The following ARSI variants were observed in gnomAD, a reference collection of about 807,000 sequenced individuals.
ARSI encodes the protein arylsulfatase family member I.
Under a neutral mutation model 42.1 loss-of-function variants are expected in ARSI, and 37 were observed. The ratio of observed to expected loss-of-function variants is 0.88; its 90% CI spans 0.68 to 1.16. The LOEUF is 1.16. ARSI is among the 50% of genes most tolerant of loss of function. The pLI is 0.00. For synonymous variants in ARSI, 305 were observed against 320.3 expected (o/e 0.95, Z 0.51); for missense variants, 725 against 790.1 (o/e 0.92, Z 0.99).
Position 150,297,675 on chromosome 5 carries a change from C to A in ARSI, c.1249G>T (p.Ala417Ser). The change falls in exon 2 of 2, where the codon GCT becomes TCT. Residue 417 changes from alanine (A) to serine (S), a missense_variant. Physicochemically the swap from Ala to Ser is moderately conservative, Grantham distance 99. Coordinates refer to ENST00000328668, the MANE Select transcript of ARSI (RefSeq NM_001012301.4). The surrounding 1 kb of genome is among the most constrained non-coding windows in gnomAD (Gnocchi z 7.0). The part of the protein sequence containing the change: ...GFGIWNTAVQ[A>S]AIRVGEWKLL... The stretch of plus-strand genomic sequence containing the variant: ...TTCCACTCACCCACGCGGATGGCAG[C>A]CTGCACGGCGGTGTTCCAGATGCCA... The A allele has an allele frequency of 1.2e-6, 2 of 1,613,456 alleles. No individual in the cohort carries two copies. The highest frequency in any genetic ancestry group is 2.2e-5 in the East Asian group (1 of 44,884).
rs774718915 is a variant in ARSI, at chr5:150,297,811, G to A, written c.1113C>T (p.Tyr371=). Residue 371 remains tyrosine (Y), a synonymous_variant, in exon 2 of 2, where the codon TAC becomes TAT. Coordinates refer to ENST00000328668, the MANE Select transcript of ARSI (RefSeq NM_001012301.4). This position sits in a 1 kb window ranked among gnomAD's most constrained non-coding sequence, Gnocchi z 7.0. ...TTSAADGLDG[Y]DVWPAISEGR... ...CCTCGCTGATGGCCGGCCACACGTC[G>A]TAGCCATCTAGCCCATCGGCTGCTG... 25 of 1,606,546 alleles carry A rather than the reference G, an allele frequency of 1.6e-5. No homozygotes were observed. The highest frequency in any genetic ancestry group is 1.5e-4 in the Admixed American group (9 of 59,608).
Position 150,302,344 on chromosome 5 carries a change from G to A in ARSI, c.30C>T (p.Val10=), listed in dbSNP as rs756729493. 3.9e-5 allele frequency: 61 copies of A among 1,549,764 alleles called. No individual in the cohort carries two copies. In the African/African-American group the frequency reaches 6.3e-4, roughly 16 times the overall value. The change falls in exon 1 of 2, where the codon GTC becomes GTT. Residue 10 remains valine (V), a synonymous_variant. Coordinates refer to ENST00000328668, the MANE Select transcript of ARSI (RefSeq NM_001012301.4). This position sits in a 1 kb window ranked among gnomAD's most constrained non-coding sequence, Gnocchi z 6.1. ...ACAGGTAGCCGAAGCTGAGCAGGCTGACCAGGGAGAAGCCAGTGAGGGTGT... is the reference window on the plus strand; with the variant it reads ...ACAGGTAGCCGAAGCTGAGCAGGCTAACCAGGGAGAAGCCAGTGAGGGTGT... MHTLTGFSL[V]SLLSFGYLSW... is the part of the protein sequence containing the mutation.
At chr5:150,299,851 C>G (rs1757890868) in intron 1 of ARSI, among the ~76,000 whole-genome samples, 1 of 152,134 alleles carries the variant, frequency 6.6e-6, no homozygotes, top group Non-Finnish European at 1.5e-5. Flanking sequence ...ACCCCTTGAT[C>G]CAGGCTATCA....
Position 150,302,357 on chromosome 5 carries a change from C to T in ARSI, c.17G>A (p.Gly6Asp), listed in dbSNP as rs1328624287. ...GCTGAGCAGGCTGACCAGGGAGAAGCCAGTGAGGGTGTGCATCGCCAAGCC... is the reference window on the plus strand; with the variant it reads ...GCTGAGCAGGCTGACCAGGGAGAAGTCAGTGAGGGTGTGCATCGCCAAGCC... MHTLT[G>D]FSLVSLLSFG... Residue 6 changes from glycine (G) to aspartate (D), a missense_variant, in exon 1 of 2, where the codon GGC (glycine) becomes GAC (aspartate). Gly to Asp is a moderately conservative substitution (Grantham distance 94). Coordinates refer to ENST00000328668, the MANE Select transcript of ARSI (RefSeq NM_001012301.4). The surrounding 1 kb of genome is among the most constrained non-coding windows in gnomAD (Gnocchi z 6.1). 6.6e-7 allele frequency: 1 copy of T among 1,515,848 alleles called. No homozygotes were observed. Among genetic ancestry groups the T allele is most frequent in the South Asian group, 1.3e-5 (1 of 77,750 alleles). 93.9% of individuals were successfully genotyped at this position (1,515,848 alleles called of 1,614,324 possible). A position where few individuals can be genotyped will look rare whatever the true frequency, so the allele number is the denominator to read the frequency against.
At position 150,302,374 on chromosome 5, in the gene ARSI, C is replaced by G; in HGVS notation, c.-1G>C. The G allele has an allele frequency of 6.9e-7, 1 of 1,441,858 alleles. No homozygotes were observed. The highest frequency in any genetic ancestry group is 1.5e-5 in the African/African-American group (1 of 67,408). The allele number at this position is 1,441,858 out of a possible 1,614,324, so 89.3% of individuals were successfully genotyped here. A position where few individuals can be genotyped will look rare whatever the true frequency, so the allele number is the denominator to read the frequency against. On this transcript the variant is annotated 5_prime_UTR_variant, in exon 1 of 2. Transcript: ENST00000328668. This position sits in a 1 kb window ranked among gnomAD's most constrained non-coding sequence, Gnocchi z 6.1. ...GGGAGAAGCCAGTGAGGGTGTGCATCGCCAAGCCGGCCCGCGCGTCCCGGC... is the reference window on the plus strand; with the variant it reads ...GGGAGAAGCCAGTGAGGGTGTGCATGGCCAAGCCGGCCCGCGCGTCCCGGC...
At position 150,297,363 on chromosome 5, in the gene ARSI, C is replaced by G. The variant is rs1257999051; in HGVS notation, c.1561G>C (p.Gly521Arg). The change falls in exon 2 of 2, where the codon GGG (glycine) becomes CGG (arginine). Residue 521 changes from glycine to arginine, a missense_variant. Gly to Arg is a moderately radical substitution (Grantham distance 125, BLOSUM62 -2). Transcript: ENST00000328668. The surrounding 1 kb of genome is among the most constrained non-coding windows in gnomAD (Gnocchi z 7.0). ...AHPDFNGGAW[G>R]PWASDEEEEE... ...TCTTCCTCATCACTGGCCCAGGGCC[C>G]CCAAGCACCCCCATTAAAGTCAGGA... 3.7e-6 allele frequency: 6 copies of G among 1,612,262 alleles called. No individual in the cohort carries two copies. Among genetic ancestry groups the G allele is most frequent in the Non-Finnish European group, 5.1e-6 (6 of 1,179,240 alleles).
Position 150,302,143 on chromosome 5 carries a change from C to A in ARSI, c.231G>T (p.Leu77=), listed in dbSNP as rs143586885. Residue 77 remains leucine, a synonymous_variant, in exon 1 of 2, where the codon CTG becomes CTT. Coordinates refer to ENST00000328668, the MANE Select transcript of ARSI (RefSeq NM_001012301.4). The surrounding 1 kb of genome is among the most constrained non-coding windows in gnomAD (Gnocchi z 6.1). ...TCTCCAACTTGACCCCCTTGGCCGCCAGCCTGTCCAGCGTAGGGGTCTCGA... is the reference window on the plus strand; with the variant it reads ...TCTCCAACTTGACCCCCTTGGCCGCAAGCCTGTCCAGCGTAGGGGTCTCGA... ...SDIETPTLDR[L]AAKGVKLENY... is the part of the protein sequence containing the mutation. The A allele has an allele frequency of 3.9e-4, 625 of 1,613,618 alleles. No homozygotes were observed. Among genetic ancestry groups the A allele is most frequent in the Non-Finnish European group, 5.1e-4 (596 of 1,179,910 alleles).
At chr5:150,301,457 A>G (rs565201954) in intron 1 of ARSI, among the ~76,000 whole-genome samples, 121 of 152,310 alleles carry the variant, frequency 7.9e-4, no homozygotes, top group African/African-American at 2.7e-3. Context: ...ACAGAGGCTC[A>G]GAGAAATGAA....
rs920981145 is a variant in ARSI at position 150,296,527 on chromosome 5, T to A, written c.*687A>T. 1.3e-5 allele frequency: 2 copies of A among 152,262 alleles called. No homozygotes were observed. The highest frequency in any genetic ancestry group is 4.8e-5 in the African/African-American group (2 of 41,440). The allele number at this position is 152,262 out of a possible 1,614,324, so 9.4% of individuals were successfully genotyped here. ...GAACCCAGGTGTCCTGGTACTGGTT[T>A]GGGGGCTCTTCACAGCTCTTTCTAC... On this transcript the variant is annotated 3_prime_UTR_variant, in exon 2 of 2. Coordinates refer to ENST00000328668, the MANE Select transcript of ARSI (RefSeq NM_001012301.4).
Position 150,298,378 on chromosome 5 carries a change from G to T in ARSI, c.546C>A (p.Asn182Lys). ...AGCCGCACACGCCTGGGCCATCACA[G>T]TTGTCATAGGTGTAATAGTCCACAT... is the stretch of plus-strand genomic sequence containing the variant. ...TGNVDYYTYDNCDGPGVCGFD... is the reference protein window; with the variant it reads ...TGNVDYYTYDKCDGPGVCGFD... The change falls in exon 2 of 2, where the codon AAC becomes AAA. Residue 182 changes from asparagine (N) to lysine (K), a missense_variant. Coordinates refer to ENST00000328668, the MANE Select transcript of ARSI (RefSeq NM_001012301.4). 1 of 1,614,218 alleles carries T rather than the reference G, an allele frequency of 6.2e-7. No homozygotes were observed. Among genetic ancestry groups the T allele is most frequent in the Non-Finnish European group, 8.5e-7 (1 of 1,180,050 alleles).
At chr5:150,300,559 C>A (rs573459584) in intron 1 of ARSI, among the ~76,000 whole-genome samples, 1 of 152,326 alleles carries the variant, frequency 6.6e-6, no homozygotes, top group African/African-American at 2.4e-5. Context: ...TAAGAGTCAC[C>A]AAAGCCCACC....
rs112583032 is a variant in ARSI, at chr5:150,297,541, G to T, written c.1383C>A (p.Ala461=). 1 of 1,613,150 alleles carries T rather than the reference G, an allele frequency of 6.2e-7. No individual in the cohort carries two copies. Among genetic ancestry groups the T allele is most frequent in the African/African-American group, 1.3e-5 (1 of 75,050 alleles). Residue 461 remains alanine (A), a synonymous_variant, in exon 2 of 2, where the codon GCC becomes GCA. Coordinates refer to ENST00000328668, the MANE Select transcript of ARSI (RefSeq NM_001012301.4). The surrounding 1 kb of genome is among the most constrained non-coding windows in gnomAD (Gnocchi z 7.0). ...CAGCACTGATGTTGAAGAGCCACAC[G>T]GCCTGGCGGACACTGGCCATTCGTT... ...NLERMASVRQ[A]VWLFNISADP...
chr5:150,299,748 T>C (rs1562226257), intron 1 of ARSI, among the ~76,000 whole-genome samples: 1 of 152,096 alleles, frequency 6.6e-6, no homozygotes. Flanking sequence ...TGCTCCCGTA[T>C]AGGAGTTGGT....
rs1177501339 is a variant in ARSI at position 150,298,656 on chromosome 5, C to T, written c.312-44G>A. 5 of 1,546,192 alleles carry T rather than the reference C, an allele frequency of 3.2e-6. No individual in the cohort carries two copies. In the East Asian group the frequency reaches 6.8e-5, roughly 21 times the overall value. Reference sequence around the variant, plus strand: ...AGGCACAGAAGGCACAGGTAAGCTACAGACCATTGCTCTGGCCATCCAGTC... The same window carrying T: ...AGGCACAGAAGGCACAGGTAAGCTATAGACCATTGCTCTGGCCATCCAGTC... On this transcript the variant is annotated intron_variant, in intron 1 of 1. Coordinates refer to ENST00000328668, the MANE Select transcript of ARSI (RefSeq NM_001012301.4).
intron 1 of ARSI, among the ~76,000 whole-genome samples, chr5:150,299,638 C>T (rs936536199): frequency 1.3e-5 from 2 of 151,764 alleles, no homozygotes; most frequent in Admixed American, 1.3e-4. Flanking sequence ...TGGTCAGGAA[C>T]AGAGCCAGGA....
In ARSI at chr5:150,302,455, G is replaced by C. The variant is rs1044171130; in HGVS notation, c.-82C>G. On this transcript the variant is annotated 5_prime_UTR_variant, in exon 1 of 2. Transcript: ENST00000328668. The surrounding 1 kb of genome is among the most constrained non-coding windows in gnomAD (Gnocchi z 6.1). ...CGCGCCCAGGGCGCACCACCGGCCC[G>C]CCGGCTCGGATGCTGCGAGGGAGTT... 15 of 1,116,434 alleles carry C rather than the reference G, an allele frequency of 1.3e-5. No individual in the cohort carries two copies. The East Asian group carries it at 4.4e-4, about 33-fold the overall frequency. 69.2% of individuals were successfully genotyped at this position (1,116,434 alleles called of 1,614,324 possible). A position where few individuals can be genotyped will look rare whatever the true frequency, so the allele number is the denominator to read the frequency against.
chr5:150,297,289 CT>C lies in ARSI; in HGVS notation c.1634del (p.Lys545ArgfsTer20). 5.0e-6 allele frequency: 8 copies of C among 1,609,460 alleles called. No homozygotes were observed. Among genetic ancestry groups the C allele is most frequent in the Non-Finnish European group, 6.8e-6 (8 of 1,178,232 alleles). ...RARSFSRGRR[K>X]KKCKICKLRS... ...GAAGCTTGCAAATCTTGCATTTTTTCTTGCGACGACCCCGGGAGAAGCTTCG... is the reference window on the plus strand; with the variant it reads ...GAAGCTTGCAAATCTTGCATTTTTTCTGCGACGACCCCGGGAGAAGCTTCG... On this transcript the variant is annotated frameshift_variant, in exon 2 of 2. Coordinates refer to ENST00000328668, the MANE Select transcript of ARSI (RefSeq NM_001012301.4). LOFTEE classifies it high-confidence loss of function. This position sits in a 1 kb window ranked among gnomAD's most constrained non-coding sequence, Gnocchi z 7.0.
Position 150,298,128 on chromosome 5 carries a change from T to A in ARSI, c.796A>T (p.Met266Leu). The change falls in exon 2 of 2, where the codon ATG (methionine) becomes TTG (leucine). Residue 266 changes from methionine to leucine, a missense_variant. Coordinates refer to ENST00000328668, the MANE Select transcript of ARSI (RefSeq NM_001012301.4). Reference sequence around the variant, plus strand: ...ACAGCCTCATCCATGCAGGTCACCATGGCCGCGTACTTCCGCCGGGCCACA... The same window carrying A: ...ACAGCCTCATCCATGCAGGTCACCAAGGCCGCGTACTTCCGCCGGGCCACA... ...GNVARRKYAA[M>L]VTCMDEAVRN... 1.9e-6 allele frequency: 3 copies of A among 1,613,826 alleles called. No homozygotes were observed. The highest frequency in any genetic ancestry group is 2.5e-6 in the Non-Finnish European group (3 of 1,180,006).
intron 1 of ARSI, among the ~76,000 whole-genome samples, chr5:150,301,648 T>A (rs908431344): frequency 5.9e-5 from 9 of 152,162 alleles, no homozygotes; most frequent in African/African-American, 2.2e-4. Flanking sequence ...ATTCCAACTT[T>A]GCCACTCCTT....
Sources: gnomAD v4.1 joint callset for allele counts (sites outside exome capture counted in the v4.1 genomes callset) on GRCh38, gnomAD v4.1.1 for gene constraint, Gnocchi (gnomAD v3.1) non-coding constraint, MANE v1.5 for transcripts, NCBI Gene and HGNC (gene_info 2026-07-23, HGNC 2026-07-21) for gene names.